Variants in NXPH1 observed in about 807,000 individuals in gnomAD.
The protein encoded by NXPH1 is neurexophilin 1.
A neutral mutation model predicts 23.7 loss-of-function variants in NXPH1; 5 were observed. The ratio of observed to expected loss-of-function variants is 0.21; its 90% CI spans 0.11 to 0.44. NXPH1 has a LOEUF of 0.44. Among genes scored for constraint, NXPH1 ranks in the 20% least tolerant of loss-of-function variants. NXPH1 has a pLI of 0.99. For synonymous variants in NXPH1, 144 were observed against 122.2 expected, an observed-to-expected ratio of 1.18 and a Z score of -1.18; for missense variants, 324 against 321.6, an observed-to-expected ratio of 1.01 and a Z score of -0.06.
Position 8,730,813 on chromosome 7 carries a change from T to C in NXPH1, c.55-20195T>C, listed in dbSNP as rs989075836. Among the ~76,000 whole-genome samples the C allele has an allele frequency of 2.7e-5, 4 of 150,602 alleles. No homozygotes were observed. The Admixed American group carries it at 2.7e-4, about 10-fold the overall frequency. Reference sequence around the variant, plus strand: ...TCAACTTTGGTGAATCTGACAATTATGTGTCTTGGAGTTGCTCTTCTCGAG... The same window carrying C: ...TCAACTTTGGTGAATCTGACAATTACGTGTCTTGGAGTTGCTCTTCTCGAG... On this transcript the variant is annotated intron_variant, in intron 2 of 2. Coordinates refer to ENST00000405863, the MANE Select transcript of NXPH1 (RefSeq NM_152745.3).
intron 2 of NXPH1, among the ~76,000 whole-genome samples, chr7:8,455,556 T>C (rs1816580340): frequency 6.6e-6 from 1 of 152,238 alleles, no homozygotes; most frequent in African/African-American, 2.4e-5. Flanking sequence ...TCCCTCTTTC[T>C]GTACACCATC....
chr7:8,563,279 T>TA (rs1311883021), intron 2 of NXPH1, among the ~76,000 whole-genome samples: 1 of 151,724 alleles, frequency 6.6e-6, no homozygotes, highest in African/African-American at 2.4e-5. Context: ...TTGTGTATTT[T>TA]AAAAAAGAAG....
At chr7:8,522,597 AT>A (rs1817791112) in intron 2 of NXPH1, among the ~76,000 whole-genome samples, 1 of 152,176 alleles carries the variant, frequency 6.6e-6, no homozygotes, top group Non-Finnish European at 1.5e-5. Context: ...GGGACTTAAA[AT>A]TCAAGTCCTC....
intron 2 of NXPH1, among the ~76,000 whole-genome samples, chr7:8,690,893 T>A (rs934564204): frequency 2.0e-5 from 3 of 152,298 alleles, no homozygotes; most frequent in Admixed American, 2.0e-4. Flanking sequence ...AACTTTGATG[T>A]ATCCATTTGT....
At chr7:8,570,364 G>A (rs1379886521) in intron 2 of NXPH1, among the ~76,000 whole-genome samples, 1 of 151,908 alleles carries the variant, frequency 6.6e-6, no homozygotes, top group African/African-American at 2.4e-5. Flanking sequence ...GTGATCCTGG[G>A]CAAAGTCATC....
intron 2 of NXPH1, among the ~76,000 whole-genome samples, chr7:8,748,708 AG>A (rs1223985513): frequency 6.6e-6 from 1 of 152,130 alleles, no homozygotes; most frequent in Non-Finnish European, 1.5e-5. Flanking sequence ...AAGAGTTCAC[AG>A]TTTTTTTTGT....
chr7:8,475,027 T>C (rs1816945411), intron 2 of NXPH1, among the ~76,000 whole-genome samples: 1 of 152,104 alleles, frequency 6.6e-6, no homozygotes, highest in African/African-American at 2.4e-5. Context: ...CACCCCTACT[T>C]GTGGGAGGCC....
chr7:8,575,853 A>C (rs1818745135), intron 2 of NXPH1, among the ~76,000 whole-genome samples: 1 of 152,028 alleles, frequency 6.6e-6, no homozygotes, highest in Admixed American at 6.6e-5. Flanking sequence ...TATATTCTGC[A>C]GCCTGTTGCT....
At chr7:8,720,257 A>T (rs1047065534) in intron 2 of NXPH1, among the ~76,000 whole-genome samples, 6 of 152,168 alleles carry the variant, frequency 3.9e-5, no homozygotes, top group Non-Finnish European at 7.4e-5. Flanking sequence ...AATACCAGTA[A>T]TAGTAATCTT....
intron 2 of NXPH1, among the ~76,000 whole-genome samples, chr7:8,608,762 C>A (rs960010634): frequency 6.6e-6 from 1 of 151,948 alleles, no homozygotes; most frequent in African/African-American, 2.4e-5. Context: ...AAGAAGAATC[C>A]ATTTTTCGTG....
At chr7:8,724,234 A>G (rs1395230011) in intron 2 of NXPH1, among the ~76,000 whole-genome samples, 1 of 152,196 alleles carries the variant, frequency 6.6e-6, no homozygotes, top group Non-Finnish European at 1.5e-5. Flanking sequence ...TGGGACCCTT[A>G]GTGACACAAT....
At chr7:8,719,425 G>A (rs1220099657) in intron 2 of NXPH1, among the ~76,000 whole-genome samples, 1 of 152,090 alleles carries the variant, frequency 6.6e-6, no homozygotes, top group African/African-American at 2.4e-5. Flanking sequence ...AAAATATTAT[G>A]GCTTGGATAG....
intron 2 of NXPH1, among the ~76,000 whole-genome samples, chr7:8,724,966 G>C (rs1356128598): frequency 6.6e-6 from 1 of 152,204 alleles, no homozygotes; most frequent in Non-Finnish European, 1.5e-5. Context: ...GACAGCAGCA[G>C]CATCTGATTC....
intron 2 of NXPH1, among the ~76,000 whole-genome samples, chr7:8,715,325 C>T (rs1329589456): frequency 6.6e-6 from 1 of 152,198 alleles, no homozygotes; most frequent in Non-Finnish European, 1.5e-5. Flanking sequence ...AGGGTGGCAT[C>T]AAAATTTGAG....
chr7:8,498,707 C>G (rs913793762), intron 2 of NXPH1, among the ~76,000 whole-genome samples: 1 of 152,016 alleles, frequency 6.6e-6, no homozygotes, highest in Admixed American at 6.6e-5. Context: ...AGCATGCTAG[C>G]AGTCAATGAA....
At chr7:8,564,799 T>C (rs773528186) in intron 2 of NXPH1, among the ~76,000 whole-genome samples, 3 of 151,854 alleles carry the variant, frequency 2.0e-5, no homozygotes, top group Non-Finnish European at 4.4e-5. Flanking sequence ...AAAAAGAATA[T>C]GCACTCTGTG....
At chr7:8,457,222 C>G (rs1274379686) in intron 2 of NXPH1, among the ~76,000 whole-genome samples, 1 of 152,138 alleles carries the variant, frequency 6.6e-6, no homozygotes, top group Admixed American at 6.5e-5. Context: ...ACTGTGCAAC[C>G]ATTTTACAAC....
chr7:8,539,685 A>AT (rs1313921387), intron 2 of NXPH1, among the ~76,000 whole-genome samples: 3 of 151,830 alleles, frequency 2.0e-5, no homozygotes, highest in African/African-American at 7.2e-5. Flanking sequence ...GCATGTATTG[A>AT]TTAAATTATC....
At chr7:8,644,707 A>G (rs78544123) in intron 2 of NXPH1, among the ~76,000 whole-genome samples, 7,379 of 152,192 alleles carry the variant, frequency 0.048, 392 homozygotes, top group East Asian at 0.17. Flanking sequence ...TCTAAATATA[A>G]AAAATATAAC....
Sources: gnomAD v4.1 joint callset for allele counts (sites outside exome capture counted in the v4.1 genomes callset) on GRCh38, gnomAD v4.1.1 for gene constraint, MANE v1.5 for transcripts, NCBI Gene and HGNC (gene_info 2026-07-23, HGNC 2026-07-21) for gene names.